Variants in DNAJC10 observed in about 807,000 individuals in gnomAD.
DNAJC10 encodes DnaJ heat shock protein family (Hsp40) member C10, also known as endoplasmic reticulum disulfide reductase DNAJC10.
In DNAJC10, 101 loss-of-function variants were observed where a neutral mutation model predicts 115.0. That is an observed-to-expected ratio of 0.88 (90% CI 0.75 to 1.04). DNAJC10 has a LOEUF of 1.04. DNAJC10 is among the 50% of genes least tolerant of loss of function. The probability of loss-of-function intolerance (pLI) is 0.00; values close to 1 mark genes in which losing one functional copy is unlikely to be tolerated. For missense variants in DNAJC10, 981 were observed against 928.8 expected (o/e 1.06, Z -0.73); for synonymous variants, 307 against 301.5 (o/e 1.02, Z -0.19).
At chr2:182,737,913 A>G (rs537661245) in intron 11 of DNAJC10, among the ~76,000 whole-genome samples, 1 of 152,334 alleles carries the variant, frequency 6.6e-6, no homozygotes, top group African/African-American at 2.4e-5. Flanking sequence ...ATACACATCA[A>G]ATGGATGGAT....
At chr2:182,762,015 A>G (rs1267296475) in intron 21 of DNAJC10, among the ~76,000 whole-genome samples, 1 of 152,054 alleles carries the variant, frequency 6.6e-6, no homozygotes, top group Non-Finnish European at 1.5e-5. Context: ...CAATAAGAAG[A>G]CCAAAAAGTG....
At chr2:182,731,527 TTGAAGA>T in intron 9 of DNAJC10, among the ~76,000 whole-genome samples, 1 of 152,244 alleles carries the variant, frequency 6.6e-6, no homozygotes, top group South Asian at 2.1e-4. Flanking sequence ...AATTATATAC[TTGAAGA>T]TGACAGCTTC....
chr2:182,766,836 C>G (rs924668539), intron 22 of DNAJC10, among the ~76,000 whole-genome samples: 8 of 152,138 alleles, frequency 5.3e-5, no homozygotes, highest in African/African-American at 1.9e-4. Flanking sequence ...TGGGCGGCCT[C>G]TAATCTACTT....
chr2:182,744,000 C>T (rs1250377927), intron 14 of DNAJC10, among the ~76,000 whole-genome samples: 2 of 152,154 alleles, frequency 1.3e-5, no homozygotes, highest in African/African-American at 4.8e-5. Flanking sequence ...TAAGCAACAC[C>T]TGCAGTTTAT....
At chr2:182,721,641 A>G (rs1286930592) in intron 4 of DNAJC10, among the ~76,000 whole-genome samples, 2 of 152,140 alleles carry the variant, frequency 1.3e-5, no homozygotes, top group Non-Finnish European at 2.9e-5. Flanking sequence ...ATATTGTGCT[A>G]TATAGCTACA....
rs1246433070 is a variant in DNAJC10 at position 182,781,853 on chromosome 2, C to G, written c.*4721C>G. On this transcript the variant is annotated 3_prime_UTR_variant, in exon 24 of 24. Transcript: ENST00000264065. The stretch of plus-strand genomic sequence containing the variant: ...GTTCCTTGTAGATTCTGGATATTAG[C>G]CCTTTGTCAGATGGATAGATTGCAA... The G allele has an allele frequency of 1.3e-5, 2 of 152,052 alleles. No individual in the cohort carries two copies. Among genetic ancestry groups the G allele is most frequent in the African/African-American group, 2.4e-5 (1 of 41,390 alleles). 9.4% of individuals were successfully genotyped at this position (152,052 alleles called of 1,614,324 possible). A position where few individuals can be genotyped will look rare whatever the true frequency, so the allele number is the denominator to read the frequency against.
rs1694727181 is a variant in DNAJC10, at chr2:182,777,153, A to C, written c.*21A>C. On this transcript the variant is annotated 3_prime_UTR_variant, in exon 24 of 24. Transcript: ENST00000264065. ...TTTGATAATGTTGAAGATGAAGAAAAAGTTTAAAAGAAATTCTGACAGATG... is the reference window on the plus strand; with the variant it reads ...TTTGATAATGTTGAAGATGAAGAAACAGTTTAAAAGAAATTCTGACAGATG... 7.3e-7 allele frequency: 1 copy of C among 1,371,954 alleles called. No individual in the cohort carries two copies. The highest frequency in any genetic ancestry group is 9.8e-7 in the Non-Finnish European group (1 of 1,015,466). 85.0% of individuals were successfully genotyped at this position (1,371,954 alleles called of 1,614,324 possible).
intron 5 of DNAJC10, among the ~76,000 whole-genome samples, chr2:182,727,289 G>A (rs1693313300): frequency 6.6e-6 from 1 of 152,030 alleles, no homozygotes; most frequent in African/African-American, 2.4e-5. Flanking sequence ...TTGTTTTACA[G>A]CATATTTTTA....
intron 10 of DNAJC10, 56 bp from the exon 11 acceptor site, chr2:182,736,193 C>G (rs1375932424): frequency 6.6e-7 from 1 of 1,510,272 alleles, no homozygotes; most frequent in Non-Finnish European, 8.8e-7. Flanking sequence ...GCTCTAAATC[C>G]CTTTAACTTT....
At chr2:182,730,433 G>A in intron 8 of DNAJC10, 1 of 330,576 alleles carries the variant, frequency 3.0e-6, no homozygotes, top group Non-Finnish European at 6.0e-6. Flanking sequence ...TAAATAGTGG[G>A]GCTGCAGTAA....
intron 18 of DNAJC10, 43 bp from the exon 19 acceptor site, chr2:182,757,649 A>G (rs766690076): frequency 2.9e-6 from 4 of 1,402,910 alleles, no homozygotes; most frequent in Non-Finnish European, 1.9e-6. Context: ...TATTGCAAAC[A>G]TATGTAAAAA....
rs779215081 is a variant in DNAJC10, at chr2:182,756,404, G to A, written c.1744G>A (p.Asp582Asn). 6.2e-6 allele frequency: 10 copies of A among 1,614,016 alleles called. No homozygotes were observed. In the East Asian group the frequency reaches 2.2e-4, roughly 36 times the overall value. ...AAAACACAACGAAGTCTGGATGGTT[G>A]ATTTCTATTCTCCGTGGTGTCATCC... The part of the protein sequence containing the change: ...QRKHNEVWMV[D>N]FYSPWCHPCQ... Residue 582 changes from aspartate to asparagine, a missense_variant, in exon 18 of 24, where the codon GAT (aspartate) becomes AAT (asparagine). Asp to Asn is a conservative substitution (Grantham distance 23, BLOSUM62 1). Transcript: ENST00000264065.
intron 14 of DNAJC10, among the ~76,000 whole-genome samples, chr2:182,750,411 C>T (rs432527): frequency 0.65 from 98,465 of 151,996 alleles, 32,254 homozygotes; most frequent in Middle Eastern, 0.74. Context: ...AAGGCTCACT[C>T]TGGGGAATTA....
At chr2:182,735,683 T>C (rs991431492) in intron 10 of DNAJC10, among the ~76,000 whole-genome samples, 4 of 152,130 alleles carry the variant, frequency 2.6e-5, no homozygotes, top group Non-Finnish European at 4.4e-5. Flanking sequence ...TTTACTAACT[T>C]GCCCAGTGCA....
chr2:182,752,427 A>C (rs1196219476), intron 16 of DNAJC10: 3 of 344,908 alleles, frequency 8.7e-6, no homozygotes, highest in Non-Finnish European at 1.4e-5. Flanking sequence ...AACTCAGGCA[A>C]CTATTTTCAT....
intron 1 of DNAJC10, 66 bp from the exon 2 acceptor site, chr2:182,716,950 C>G (rs1255263522): frequency 6.6e-6 from 1 of 152,188 alleles, no homozygotes; most frequent in East Asian, 1.9e-4. Context: ...TATGCCCTCT[C>G]TTTTTCTGAT....
chr2:182,738,785 C>T (rs574708250), intron 11 of DNAJC10, among the ~76,000 whole-genome samples: 29 of 152,202 alleles, frequency 1.9e-4, no homozygotes, highest in South Asian at 4.1e-4. Flanking sequence ...TGTGATCTGC[C>T]GGCCTCGGCC....
chr2:182,733,729 G>T (rs764360773), intron 10 of DNAJC10, among the ~76,000 whole-genome samples: 2 of 136,722 alleles, frequency 1.5e-5, no homozygotes, highest in South Asian at 2.3e-4. Context: ...AAAACCATCT[G>T]GGCCTGAAGT....
At chr2:182,774,909 G>T (rs1407484870) in intron 22 of DNAJC10, among the ~76,000 whole-genome samples, 1 of 152,196 alleles carries the variant, frequency 6.6e-6, no homozygotes, top group African/African-American at 2.4e-5. Context: ...AGATACCTCA[G>T]TTGGAAGTGC....
Sources: gnomAD v4.1 joint callset for allele counts (sites outside exome capture counted in the v4.1 genomes callset) on GRCh38, gnomAD v4.1.1 for gene constraint, MANE v1.5 for transcripts, NCBI Gene and HGNC (gene_info 2026-07-23, HGNC 2026-07-21) for gene names.